KCNA6: variants seen among roughly 807,000 people sequenced by gnomAD.
KCNA6 encodes human brain potassium channel-2.
Under a neutral mutation model 29.5 loss-of-function variants are expected in KCNA6, and 17 were observed. The observed-to-expected ratio is 0.58, with a 90% CI of 0.39 to 0.86. KCNA6 has a LOEUF of 0.86. Among genes scored for constraint, KCNA6 ranks in the 40% least tolerant of loss-of-function variants. KCNA6 has a pLI of 0.00. For synonymous variants in KCNA6, 296 were observed against 304.7 expected, an observed-to-expected ratio of 0.97 and a Z score of 0.30; for missense variants, 450 against 703.4, an observed-to-expected ratio of 0.64 and a Z score of 4.07.
In KCNA6 at chr12:4,810,810, TCCTTCTTTACAGACC is replaced by T. The variant is rs746874813; in HGVS notation, c.778_792del (p.Thr260_Phe264del). ...CTCCTCACTCAGTACTCTTGGGGGCTCCTTCTTTACAGACCCCTTCTTTCTGGTGGAGACGCTGTG... is the reference window on the plus strand; with the variant it reads ...CTCCTCACTCAGTACTCTTGGGGGCTCCTTCTTTCTGGTGGAGACGCTGTG... On this transcript the variant is annotated inframe_deletion, in exon 1 of 1. Coordinates refer to ENST00000280684, the Ensembl canonical transcript of KCNA6. The surrounding 1 kb of genome is among the most constrained non-coding windows in gnomAD (Gnocchi z 7.5). 13 of 1,591,232 alleles carry T rather than the reference TCCTTCTTTACAGACC, an allele frequency of 8.2e-6. No individual in the cohort carries two copies. Among genetic ancestry groups the T allele is most frequent in the Non-Finnish European group, 4.3e-6 (5 of 1,169,318 alleles).
At chr12:4,813,540 C>T (rs544560868), downstream of KCNA6, 5 of 167,198 alleles carry the variant, frequency 3.0e-5, no homozygotes, top group Admixed American at 6.5e-5. Flanking sequence ...CTGAGCCCCT[C>T]AGCCTTTCTT....
At chr12:4,844,561 A>G in the KCNA6 span, among the ~76,000 whole-genome samples, 12 of 152,146 alleles carry the variant, frequency 7.9e-5, no homozygotes, top group African/African-American at 2.9e-4. This position sits in a 1 kb window ranked among gnomAD's most constrained non-coding sequence, Gnocchi z 4.0. Context: ...GACATGGGGT[A>G]ACTGAGGAAC....
the KCNA6 span, among the ~76,000 whole-genome samples, chr12:4,847,852 G>A: frequency 6.6e-6 from 1 of 152,166 alleles, no homozygotes; most frequent in South Asian, 2.1e-4. Flanking sequence ...GAGTGATGAA[G>A]CTGGGATCAG....
chr12:4,818,034 G>C (rs1264557095), downstream of KCNA6, among the ~76,000 whole-genome samples: 2 of 152,126 alleles, frequency 1.3e-5, no homozygotes, highest in Non-Finnish European at 2.9e-5. Context: ...GTCTCCAGGA[G>C]ACAGACAAAC....
In KCNA6 at chr12:4,810,165, C is replaced by A. The variant is rs771636154; in HGVS notation, c.124C>A (p.Arg42=). 1.9e-6 allele frequency: 3 copies of A among 1,610,302 alleles called. No individual in the cohort carries two copies. The highest frequency in any genetic ancestry group is 1.1e-5 in the South Asian group (1 of 90,760). ...GGGCGGGGGCTGCTGTAGTAGCGAG[C>A]GGCTGGTGATCAATATCTCCGGGCT... The change falls in exon 1 of 1, where the codon CGG becomes AGG. Residue 42 remains arginine (R), a synonymous_variant. Coordinates refer to ENST00000280684, the Ensembl canonical transcript of KCNA6. This position sits in a 1 kb window ranked among gnomAD's most constrained non-coding sequence, Gnocchi z 7.5.
At chr12:4,848,725 G>T in the KCNA6 span, among the ~76,000 whole-genome samples, 3 of 151,822 alleles carry the variant, frequency 2.0e-5, no homozygotes, top group South Asian at 2.1e-4. Context: ...GTAGAGACGG[G>T]GTTTCTCCAT....
chr12:4,844,406 C>T, the KCNA6 span, among the ~76,000 whole-genome samples: 8 of 152,106 alleles, frequency 5.3e-5, no homozygotes, highest in African/African-American at 1.2e-4. The surrounding 1 kb of genome is among the most constrained non-coding windows in gnomAD (Gnocchi z 4.0). Context: ...TGTTAAATGA[C>T]GTAGTGGGAG....
At chr12:4,839,121 A>C in the KCNA6 span, 1 of 152,240 alleles carries the variant, frequency 6.6e-6, no homozygotes, top group South Asian at 2.1e-4. Context: ...TGTGCATTGA[A>C]CTCAAAAGCT....
chr12:4,817,768 T>C (rs939504457), downstream of KCNA6, among the ~76,000 whole-genome samples: 10 of 152,174 alleles, frequency 6.6e-5, no homozygotes, highest in Admixed American at 1.3e-4. Context: ...TTAATCCAAC[T>C]CCAACCTCAT....
chr12:4,842,012 CGTGTGTGTGTGTGTGTGTGTGT>C, the KCNA6 span, among the ~76,000 whole-genome samples: 6 of 124,900 alleles, frequency 4.8e-5, no homozygotes, highest in Non-Finnish European at 8.2e-5. Flanking sequence ...ATGGAGCTTA[CGTGTGTGTGTGTGTGTGTGTGT>C]GTGTGTGTGT....
the KCNA6 span, among the ~76,000 whole-genome samples, chr12:4,821,241 T>G: frequency 6.6e-6 from 1 of 152,106 alleles, no homozygotes; most frequent in African/African-American, 2.4e-5. Context: ...TTTAAGGCAA[T>G]TTGGCATTGG....
At chr12:4,837,077 C>A in the KCNA6 span, among the ~76,000 whole-genome samples, 72 of 152,248 alleles carry the variant, frequency 4.7e-4, no homozygotes, top group Non-Finnish European at 5.9e-4. Flanking sequence ...TCCTGCCCCC[C>A]ACAAGGGGTG....
the KCNA6 span, among the ~76,000 whole-genome samples, chr12:4,846,631 C>A: frequency 6.6e-6 from 1 of 152,106 alleles, no homozygotes; most frequent in Non-Finnish European, 1.5e-5. Flanking sequence ...AACTTCCCAC[C>A]AGAAATGTCA....
the KCNA6 span, among the ~76,000 whole-genome samples, chr12:4,842,037 G>A: frequency 1.5e-3 from 220 of 149,530 alleles, 1 homozygote; most frequent in African/African-American, 4.7e-3. Context: ...GTGTGTGTGT[G>A]TGTGTGTGTG....
the KCNA6 span, among the ~76,000 whole-genome samples, chr12:4,837,259 G>A: frequency 1.2e-3 from 182 of 152,346 alleles, no homozygotes; most frequent in Non-Finnish European, 2.2e-3. Flanking sequence ...TAGAAGCTCC[G>A]TGTCTCTTCT....
chr12:4,826,197 GA>G, the KCNA6 span, among the ~76,000 whole-genome samples: 3 of 152,166 alleles, frequency 2.0e-5, no homozygotes, highest in Non-Finnish European at 4.4e-5. Context: ...CAGTCTCCTG[GA>G]AAGCTGTTTT....
chr12:4,834,629 C>T, the KCNA6 span, among the ~76,000 whole-genome samples: 1 of 152,064 alleles, frequency 6.6e-6, no homozygotes, highest in African/African-American at 2.4e-5. Context: ...TGGGTTCTGA[C>T]AGTAAAGACC....
chr12:4,849,199 C>G, the KCNA6 span, among the ~76,000 whole-genome samples: 2 of 151,982 alleles, frequency 1.3e-5, no homozygotes, highest in Non-Finnish European at 2.9e-5. Flanking sequence ...TAGGTGGCGC[C>G]ATAGAGCAGT....
chr12:4,812,016 C>T (rs1946637355), exon 1 of KCNA6: 1 of 207,732 alleles, frequency 4.8e-6, no homozygotes, highest in Admixed American at 5.4e-5. Context: ...TCGCTCCCTC[C>T]TTAGTGTTCT....
Sources: allele counts gnomAD v4.1 joint callset (sites outside exome capture counted in the v4.1 genomes callset), GRCh38; gene constraint gnomAD v4.1.1; non-coding constraint Gnocchi (gnomAD v3.1); transcripts MANE v1.5; gene names NCBI Gene and HGNC (gene_info 2026-07-23, HGNC 2026-07-21).